ANKRD27: variants seen among roughly 807,000 people sequenced by gnomAD.
The protein encoded by ANKRD27 is ankyrin repeat domain 27, also known as ankyrin repeat domain-containing protein 27.
In ANKRD27, 112 loss-of-function variants were observed where a neutral mutation model predicts 129.7. That is an observed-to-expected ratio of 0.86 (90% CI 0.74 to 1.01). ANKRD27 has a LOEUF of 1.01. ANKRD27 is among the 50% of genes least tolerant of loss of function. The pLI, the probability that ANKRD27 is intolerant of heterozygous loss-of-function variation, is 0.00. For missense variants in ANKRD27, 1,258 were observed against 1,300.5 expected, an observed-to-expected ratio of 0.97 and a Z score of 0.50; for synonymous variants, 516 against 511.2, an observed-to-expected ratio of 1.01 and a Z score of -0.13.
intron 12 of ANKRD27, among the ~76,000 whole-genome samples, chr19:32,633,502 T>C (rs922800271): frequency 6.6e-6 from 1 of 151,596 alleles, no homozygotes; most frequent in Admixed American, 6.6e-5. Context: ...CGCTAATTTT[T>C]TGTAAAGATG....
Position 32,605,865 on chromosome 19 carries a change from G to A in ANKRD27, c.2463C>T (p.Gly821=), listed in dbSNP as rs369130802. 3 of 1,613,882 alleles carry A rather than the reference G, an allele frequency of 1.9e-6. No homozygotes were observed. In the African/African-American group the frequency reaches 4.0e-5, roughly 22 times the overall value. ...NTPLIYACSG[G]HHELVALLLQ... The stretch of plus-strand genomic sequence containing the variant: ...GCAGCAGTGCCACAAGCTCGTGATG[G>A]CCACCGGAGCAGGCGTAAATGAGGG... The change falls in exon 24 of 29, where the codon GGC becomes GGT. Residue 821 remains glycine, a synonymous_variant. Transcript: ENST00000306065.
chr19:32,609,480 A>G (rs1466653727), intron 22 of ANKRD27, among the ~76,000 whole-genome samples: 1 of 152,220 alleles, frequency 6.6e-6, no homozygotes, highest in Non-Finnish European at 1.5e-5. Flanking sequence ...CCAATCAACT[A>G]CTATCCAGCA....
intron 13 of ANKRD27, among the ~76,000 whole-genome samples, chr19:32,630,913 T>C (rs538942329): frequency 1.4e-4 from 22 of 152,102 alleles, no homozygotes; most frequent in African/African-American, 5.3e-4. Flanking sequence ...ATTACAGAAG[T>C]AAGCCACCCC....
Position 32,615,815 on chromosome 19 carries a change from C to T in ANKRD27, c.2053-35G>A, listed in dbSNP as rs10409374. On this transcript the variant is annotated intron_variant, in intron 21 of 28. Transcript: ENST00000306065. The stretch of plus-strand genomic sequence containing the variant: ...GAGAGTAACGGAAACAGGAACACAT[C>T]CTCAGCGTCTTTGCATGCACAATAT... 20,655 of 1,601,426 alleles carry T rather than the reference C, an allele frequency of 0.013. 2,263 individuals carry two copies. In the African/African-American group the frequency reaches 0.24, roughly 19 times the overall value.
rs773126632 is a variant in ANKRD27 at position 32,628,837 on chromosome 19, C to G, written c.1222G>C (p.Gly408Arg). 1.9e-6 allele frequency: 3 copies of G among 1,614,112 alleles called. No individual in the cohort carries two copies. Among genetic ancestry groups the G allele is most frequent in the Non-Finnish European group, 2.5e-6 (3 of 1,180,000 alleles). ...TDCLFKHIAS[G>R]NQKEVERLLS... ...AGTCTCTCCACTTCTTTCTGGTTACCTGATGCAATGTGCTGAAAAGTGACA... is the reference window on the plus strand; with the variant it reads ...AGTCTCTCCACTTCTTTCTGGTTACGTGATGCAATGTGCTGAAAAGTGACA... Residue 408 changes from glycine (G) to arginine (R), a missense_variant, in exon 14 of 29, where the codon GGT becomes CGT. Physicochemically the swap from Gly to Arg is moderately radical, Grantham distance 125. Coordinates refer to ENST00000306065, the MANE Select transcript of ANKRD27 (RefSeq NM_032139.3).
At chr19:32,619,683 T>G in intron 18 of ANKRD27, 130 bp from the exon 19 acceptor site, 1 of 1,129,682 alleles carries the variant, frequency 8.9e-7, no homozygotes, top group South Asian at 1.3e-5. Context: ...TTAGGTCACG[T>G]GGCCCAGTCG....
rs905432198 is a variant in ANKRD27, at chr19:32,650,755, T to A, written c.103-963A>T. Among the ~76,000 whole-genome samples, 19 of 140,846 alleles carry A rather than the reference T, an allele frequency of 1.3e-4. 1 individual carries two copies. Among genetic ancestry groups the A allele is most frequent in the Middle Eastern group, 3.7e-3 (1 of 268 alleles). 92.4% of individuals were successfully genotyped at this position (140,846 alleles called of 152,430 possible). ...ATTCTTTTCTTTACGCTTTTATTTA[T>A]TTTTTTTTTTTGGAGACAGTGTCTT... On this transcript the variant is annotated intron_variant, in intron 2 of 28. Coordinates refer to ENST00000306065, the MANE Select transcript of ANKRD27 (RefSeq NM_032139.3).
At chr19:32,620,794 G>C (rs1002070537) in intron 18 of ANKRD27, among the ~76,000 whole-genome samples, 1 of 151,150 alleles carries the variant, frequency 6.6e-6, no homozygotes, top group Non-Finnish European at 1.5e-5. Flanking sequence ...GCTGAGGTGG[G>C]AGGATGCCTT....
intron 22 of ANKRD27, among the ~76,000 whole-genome samples, chr19:32,610,007 T>C (rs574652856): frequency 6.6e-6 from 1 of 151,338 alleles, no homozygotes; most frequent in African/African-American, 2.4e-5. Context: ...CAAGACCCTG[T>C]CTCTACAAAA....
chr19:32,642,218 ATCT>A, intron 9 of ANKRD27, 73 bp from the exon 10 acceptor site: 20 of 1,306,390 alleles, frequency 1.5e-5, no homozygotes, highest in South Asian at 1.0e-4. Flanking sequence ...CTAAGAACAC[ATCT>A]CAGGATCTAC....
intron 7 of ANKRD27, 30 bp downstream of exon 7, chr19:32,643,401 T>TGC (rs1238081734): frequency 1.2e-6 from 2 of 1,613,808 alleles, no homozygotes; most frequent in Non-Finnish European, 1.7e-6. Flanking sequence ...CAACAGGGTG[T>TGC]GCCTCCCAGC....
rs1971591927 is a variant in ANKRD27, at chr19:32,597,810, G to A, written c.*335C>T. The A allele has an allele frequency of 5.7e-6, 2 of 349,012 alleles. No individual in the cohort carries two copies. The highest frequency in any genetic ancestry group is 3.2e-5 in the South Asian group (1 of 31,272). 21.6% of individuals were successfully genotyped at this position (349,012 alleles called of 1,614,324 possible). Reference sequence around the variant, plus strand: ...GAGGTTTAGCACCTTTTGGGAGGAGGAGGTCAGAATGCGGTGGTGAAACCT... The same window carrying A: ...GAGGTTTAGCACCTTTTGGGAGGAGAAGGTCAGAATGCGGTGGTGAAACCT... On this transcript the variant is annotated 3_prime_UTR_variant, in exon 29 of 29. Transcript: ENST00000306065.
At chr19:32,641,802 C>CTATCACCCAG (rs1267981623) in intron 10 of ANKRD27, among the ~76,000 whole-genome samples, 26 of 131,024 alleles carry the variant, frequency 2.0e-4, no homozygotes, top group Non-Finnish European at 3.6e-4. Context: ...GGGTCTCACT[C>CTATCACCCAG]TATCACCCAG....
chr19:32,607,521 G>C (rs963968205), intron 23 of ANKRD27, 114 bp downstream of exon 23: 2 of 1,281,294 alleles, frequency 1.6e-6, no homozygotes, highest in Non-Finnish European at 2.2e-6. Context: ...TCAGGGCTCG[G>C]GGGAGCAGTG....
intron 2 of ANKRD27, among the ~76,000 whole-genome samples, chr19:32,653,738 C>T (rs145599119): frequency 0.29 from 2,271 of 7,714 alleles, 118 homozygotes; most frequent in East Asian, 0.53. Flanking sequence ...GTGGCGGGGG[C>T]GGGGACGGGG....
chr19:32,629,503 T>G (rs998319603), intron 13 of ANKRD27, among the ~76,000 whole-genome samples: 2 of 152,090 alleles, frequency 1.3e-5, no homozygotes, highest in Admixed American at 1.3e-4. Context: ...AGTTCGAGAC[T>G]AGCCTGGCCA....
At chr19:32,604,475 G>A in intron 24 of ANKRD27, 51 bp from the exon 25 acceptor site, 1 of 1,537,926 alleles carries the variant, frequency 6.5e-7, no homozygotes, top group South Asian at 1.2e-5. Flanking sequence ...ACGTCAGCAT[G>A]GAATCTGGCT....
At chr19:32,665,654 T>C (rs539806875) in intron 1 of ANKRD27, among the ~76,000 whole-genome samples, 1 of 152,116 alleles carries the variant, frequency 6.6e-6, no homozygotes, top group Admixed American at 6.6e-5. Flanking sequence ...AGAGATGGGG[T>C]TTCGCTGTGT....
chr19:32,663,146 A>G (rs1470407753), intron 1 of ANKRD27, among the ~76,000 whole-genome samples: 1 of 152,206 alleles, frequency 6.6e-6, no homozygotes, highest in East Asian at 1.9e-4. Context: ...TTCCATTCTC[A>G]TTCTCTTGGT....
Sources: allele counts gnomAD v4.1 joint callset (sites outside exome capture counted in the v4.1 genomes callset), GRCh38; gene constraint gnomAD v4.1.1; transcripts MANE v1.5; gene names NCBI Gene and HGNC (gene_info 2026-07-23, HGNC 2026-07-21).